TRAPPC12: variants seen among roughly 807,000 people sequenced by gnomAD.
The protein encoded by TRAPPC12 is TPR repeat protein 15.
TRAPPC12 carries 61 observed loss-of-function variants against 69.2 expected under a neutral mutation model. The observed-to-expected ratio is 0.88, with a 90% CI of 0.72 to 1.09. The LOEUF (loss-of-function observed/expected upper bound fraction) is 1.09, where lower values mean the gene tolerates loss of function less well. Ranked by LOEUF, TRAPPC12 falls within the 50% of genes least tolerant of loss-of-function variation. The pLI is 0.00. For missense variants in TRAPPC12, 1,101 were observed against 1,016.4 expected, an observed-to-expected ratio of 1.08 and a Z score of -1.13; for synonymous variants, 469 against 438.9, an observed-to-expected ratio of 1.07 and a Z score of -0.86.
In TRAPPC12 at chr2:3,407,310, A is replaced by C. The variant is rs1311623911; in HGVS notation, c.1164+5417A>C. Among the ~76,000 whole-genome samples, 3 of 152,216 alleles carry C rather than the reference A, an allele frequency of 2.0e-5. No homozygotes were observed. The East Asian group carries it at 5.8e-4, about 29-fold the overall frequency. On this transcript the variant is annotated intron_variant, in intron 3 of 11. Coordinates refer to ENST00000324266, the MANE Select transcript of TRAPPC12 (RefSeq NM_016030.6). ...TGGAAATTGTGTAATGCCTACGTTC[A>C]GTTTTTCAAATAGACCCTGTATCGT...
rs565471199 is a variant in TRAPPC12, at chr2:3,462,550, A to G, written c.1677+2214A>G. 2.8e-3 allele frequency among the ~76,000 whole-genome samples: 434 copies of G among 152,358 alleles called. 9 individuals carry two copies. The South Asian group carries it at 0.041, about 14-fold the overall frequency. ...TTAATCAGCCATTTAATTATCTTGA[A>G]TAACATTTTTATTACAGTGAAATAA... On this transcript the variant is annotated intron_variant, in intron 8 of 11. Coordinates refer to ENST00000324266, the MANE Select transcript of TRAPPC12 (RefSeq NM_016030.6).
At chr2:3,460,091 A>C (rs1292430892) in intron 7 of TRAPPC12, 172 bp from the exon 8 acceptor site, 3 of 691,060 alleles carry the variant, frequency 4.3e-6, no homozygotes, top group African/African-American at 1.8e-5. Flanking sequence ...CGAGTGCTGT[A>C]TTTTCTGCCT....
chr2:3,388,729 G>A lies in TRAPPC12; in HGVS notation c.1047+59G>A, dbSNP rs1187891993. The A allele has an allele frequency of 1.8e-5, 26 of 1,429,018 alleles. No individual in the cohort carries two copies. In the Admixed American group the frequency reaches 5.6e-4, roughly 31 times the overall value. 88.5% of individuals were successfully genotyped at this position (1,429,018 alleles called of 1,614,324 possible). A position where few individuals can be genotyped will look rare whatever the true frequency, so the allele number is the denominator to read the frequency against. On this transcript the variant is annotated intron_variant, in intron 2 of 11. Transcript: ENST00000324266. Reference sequence around the variant, plus strand: ...CCTCCTCTCTGCGTCTGTGAGATACGCACAGTGCCCCTTTAGGGATGGAGA... The same window carrying A: ...CCTCCTCTCTGCGTCTGTGAGATACACACAGTGCCCCTTTAGGGATGGAGA...
At chr2:3,452,870 C>T (rs931907405) in intron 6 of TRAPPC12, among the ~76,000 whole-genome samples, 2 of 152,230 alleles carry the variant, frequency 1.3e-5, no homozygotes, top group African/African-American at 4.8e-5. Flanking sequence ...TGCTTCTCCT[C>T]TTATTTGTAA....
intron 2 of TRAPPC12, among the ~76,000 whole-genome samples, chr2:3,400,455 C>T (rs951477510): frequency 1.3e-5 from 2 of 152,112 alleles, no homozygotes; most frequent in South Asian, 4.2e-4. Context: ...CCCTGGGCTG[C>T]TCTATCCCCC....
intron 2 of TRAPPC12, among the ~76,000 whole-genome samples, chr2:3,397,678 G>C (rs1661210222): frequency 6.6e-6 from 1 of 152,108 alleles, no homozygotes; most frequent in African/African-American, 2.4e-5. Context: ...ATTGTAGCTG[G>C]GTTTTTAGAA....
intron 6 of TRAPPC12, among the ~76,000 whole-genome samples, chr2:3,450,648 A>T (rs1437541403): frequency 6.6e-6 from 1 of 151,990 alleles, no homozygotes; most frequent in African/African-American, 2.4e-5. Context: ...CTCCAAGAAG[A>T]CTCTTTTACT....
chr2:3,454,762 A>G (rs539347221), intron 6 of TRAPPC12: 1 of 152,466 alleles, frequency 6.6e-6, no homozygotes, highest in Non-Finnish European at 1.5e-5. Flanking sequence ...GTCCACAGGG[A>G]ACGTCAGCCC....
intron 3 of TRAPPC12, among the ~76,000 whole-genome samples, chr2:3,415,962 C>T (rs1234226160): frequency 6.6e-6 from 1 of 151,838 alleles, no homozygotes; most frequent in Non-Finnish European, 1.5e-5. Flanking sequence ...ATGATCCGCC[C>T]CCCTCAGCCT....
At chr2:3,438,298 ACCCCCATCACCCCTGGATTAG>A (rs1403467779) in intron 5 of TRAPPC12, among the ~76,000 whole-genome samples, 1 of 36,136 alleles carries the variant, frequency 2.8e-5, no homozygotes, top group East Asian at 8.8e-4. Context: ...CCCTGGATTA[ACCCCCATCACCCCTGGATTAG>A]CCCCCATCAC....
chr2:3,424,015 C>T (rs569114979), intron 4 of TRAPPC12, among the ~76,000 whole-genome samples: 1 of 152,280 alleles, frequency 6.6e-6, no homozygotes, highest in Non-Finnish European at 1.5e-5. Context: ...TGCCCTCAAA[C>T]ACAACCCATC....
rs1166981664 is a variant in TRAPPC12 at position 3,401,809 on chromosome 2, T to C, written c.1080T>C (p.Phe360=). 1 of 1,599,626 alleles carries C rather than the reference T, an allele frequency of 6.3e-7. No homozygotes were observed. The highest frequency in any genetic ancestry group is 8.5e-7 in the Non-Finnish European group (1 of 1,175,238). Residue 360 remains phenylalanine (F), a synonymous_variant, in exon 3 of 12, where the codon TTT becomes TTC. Transcript: ENST00000324266. ...GDAVKDLMLR[F]LGEKAAAKRQ... Reference sequence around the variant, plus strand: ...CAGTTAAAGACTTGATGCTTCGCTTTCTGGGTGAAAAAGCTGCAGCAAAGA... The same window carrying C: ...CAGTTAAAGACTTGATGCTTCGCTTCCTGGGTGAAAAAGCTGCAGCAAAGA...
chr2:3,405,464 C>T (rs764220873), intron 3 of TRAPPC12, among the ~76,000 whole-genome samples: 6 of 152,154 alleles, frequency 3.9e-5, no homozygotes, highest in Non-Finnish European at 8.8e-5. Flanking sequence ...ATCTACACAC[C>T]GTGGGAATTA....
rs1398516150 is a variant in TRAPPC12, at chr2:3,457,662, C to T, written c.1572C>T (p.Gly524=). 6.2e-7 allele frequency: 1 copy of T among 1,611,834 alleles called. No homozygotes were observed. The highest frequency in any genetic ancestry group is 1.3e-5 in the African/African-American group (1 of 75,016). The change falls in exon 7 of 12, where the codon GGC becomes GGT. Residue 524 remains glycine, a synonymous_variant. Transcript: ENST00000324266. ...NLEQGLAEDG[G]MSSVTQEGRQ... is the part of the protein sequence containing the mutation. ...AGCAAGGCTTAGCAGAAGACGGCGG[C>T]ATGAGCAGCGTGACTCAGGAGGGCA...
intron 9 of TRAPPC12, among the ~76,000 whole-genome samples, chr2:3,466,845 G>A (rs376866290): frequency 1.2e-4 from 19 of 152,300 alleles, no homozygotes; most frequent in African/African-American, 4.1e-4. Context: ...AGCAACCCTC[G>A]TTACCTGTGT....
At chr2:3,399,945 G>A (rs79973308) in intron 2 of TRAPPC12, among the ~76,000 whole-genome samples, 6,392 of 152,154 alleles carry the variant, frequency 0.042, 305 homozygotes, top group East Asian at 0.17. Context: ...CCAGTGGCCC[G>A]CCTGCAGCAT....
chr2:3,405,924 C>A (rs1342326731), intron 3 of TRAPPC12, among the ~76,000 whole-genome samples: 1 of 152,232 alleles, frequency 6.6e-6, no homozygotes, highest in Non-Finnish European at 1.5e-5. Context: ...CCTGAATCCA[C>A]TTCCCATAGG....
chr2:3,454,351 G>A (rs542737639), intron 6 of TRAPPC12, among the ~76,000 whole-genome samples: 2 of 147,272 alleles, frequency 1.4e-5, no homozygotes, highest in East Asian at 2.0e-4. Context: ...GTCTGGAGGG[G>A]TGTAGCCTGC....
rs186039358 is a variant in TRAPPC12 at position 3,407,790 on chromosome 2, C to T, written c.1164+5897C>T. 8.6e-5 allele frequency among the ~76,000 whole-genome samples: 13 copies of T among 150,528 alleles called. No homozygotes were observed. In the East Asian group the frequency reaches 1.2e-3, roughly 14 times the overall value. On this transcript the variant is annotated intron_variant, in intron 3 of 11. Transcript: ENST00000324266. Reference sequence around the variant, plus strand: ...CAGCCTGGGCGACAGAGCAAGACTCCGTTTCAAAAAAAGAAAAAAAAGAAA... The same window carrying T: ...CAGCCTGGGCGACAGAGCAAGACTCTGTTTCAAAAAAAGAAAAAAAAGAAA...
Sources: allele counts gnomAD v4.1 joint callset (sites outside exome capture counted in the v4.1 genomes callset), GRCh38; gene constraint gnomAD v4.1.1; transcripts MANE v1.5; gene names NCBI Gene and HGNC (gene_info 2026-07-23, HGNC 2026-07-21).